AK7: variants seen among roughly 807,000 people sequenced by gnomAD.
AK7 encodes the protein ATP-AMP transphosphorylase 7.
A neutral mutation model predicts 96.6 loss-of-function variants in AK7; 78 were observed. That is an observed-to-expected ratio of 0.81 (90% CI 0.67 to 0.97). The LOEUF is 0.97. Ranked by LOEUF, AK7 falls within the 50% of genes least tolerant of loss-of-function variation. The pLI, the probability that AK7 is intolerant of heterozygous loss-of-function variation, is 0.00. For synonymous variants in AK7, 302 were observed against 317.2 expected (o/e 0.95, Z 0.51); for missense variants, 855 against 887.9 (o/e 0.96, Z 0.47).
intron 1 of AK7, among the ~76,000 whole-genome samples, chr14:96,395,773 C>T (rs1890039381): frequency 7.4e-6 from 1 of 135,876 alleles, no homozygotes; most frequent in Admixed American, 7.4e-5. Flanking sequence ...TATCTCCTTC[C>T]TTAAATTAAT....
intron 7 of AK7, among the ~76,000 whole-genome samples, chr14:96,443,658 G>A (rs1194058425): frequency 6.6e-6 from 1 of 151,902 alleles, no homozygotes; most frequent in Admixed American, 6.6e-5. Context: ...TATGAGTCAG[G>A]GATATCCAAT....
Position 96,456,611 on chromosome 14 carries a change from T to C in AK7, c.1227+136T>C, listed in dbSNP as rs12323934. 0.019 allele frequency: 18,642 copies of C among 999,446 alleles called. 2,352 individuals are homozygous for C. The African/African-American group carries it at 0.27, about 14-fold the overall frequency. The allele number at this position is 999,446 out of a possible 1,614,324, so 61.9% of individuals were successfully genotyped here. ...CCAATTTTGTTGGCAACATCCAAGG[T>C]GTCCTAATCAGTAGCCAGGGGAACA... On this transcript the variant is annotated intron_variant, in intron 11 of 17. Transcript: ENST00000267584.
chr14:96,414,348 A>G (rs1891203886), intron 4 of AK7, among the ~76,000 whole-genome samples: 1 of 152,242 alleles, frequency 6.6e-6, no homozygotes, highest in Non-Finnish European at 1.5e-5. Context: ...AACTCAGCCC[A>G]TAGCTGAGGA....
At chr14:96,396,897 G>C (rs1024912973) in intron 1 of AK7, among the ~76,000 whole-genome samples, 3 of 152,122 alleles carry the variant, frequency 2.0e-5, no homozygotes, top group Admixed American at 6.6e-5. Context: ...ACCAGCCTGG[G>C]CAACAACAGC....
intron 2 of AK7, among the ~76,000 whole-genome samples, chr14:96,400,464 A>C (rs528102216): frequency 2.0e-5 from 3 of 152,338 alleles, no homozygotes; most frequent in African/African-American, 7.2e-5. Flanking sequence ...TGGCTTAATA[A>C]ATAAGGAAAT....
At chr14:96,472,926 A>C (rs980943961) in intron 14 of AK7, among the ~76,000 whole-genome samples, 171 bp downstream of exon 14, 1 of 152,048 alleles carries the variant, frequency 6.6e-6, no homozygotes, top group Non-Finnish European at 1.5e-5. Flanking sequence ...TACTAGAAAT[A>C]CAAAAATTAG....
chr14:96,463,812 T>C (rs1595447603), intron 12 of AK7, among the ~76,000 whole-genome samples: 4 of 150,554 alleles, frequency 2.7e-5, no homozygotes, highest in Admixed American at 2.7e-4. Context: ...AACACAATGA[T>C]AACCAAGAGA....
intron 5 of AK7, among the ~76,000 whole-genome samples, chr14:96,431,855 G>A (rs1293425764): frequency 1.3e-5 from 2 of 152,068 alleles, no homozygotes; most frequent in East Asian, 1.9e-4. Flanking sequence ...ATTGACAGTG[G>A]GGTGTTAAAG....
At chr14:96,464,066 T>C (rs764717787) in intron 12 of AK7, among the ~76,000 whole-genome samples, 3 of 151,606 alleles carry the variant, frequency 2.0e-5, no homozygotes, top group Middle Eastern at 6.8e-3. Context: ...AGCCACAGAG[T>C]ATAGTGAAGT....
intron 7 of AK7, 130 bp downstream of exon 7, chr14:96,442,948 A>C: frequency 1.3e-6 from 1 of 794,992 alleles, no homozygotes; most frequent in South Asian, 1.6e-5. Context: ...CTTCGTAACA[A>C]CCCTATGCAG....
intron 5 of AK7, among the ~76,000 whole-genome samples, chr14:96,435,358 T>C (rs1892578836): frequency 6.6e-6 from 1 of 151,626 alleles, no homozygotes; most frequent in Non-Finnish European, 1.5e-5. Flanking sequence ...AGCAGGTTCC[T>C]TTTCTGGCCC....
intron 14 of AK7, among the ~76,000 whole-genome samples, chr14:96,474,446 TAAA>T (rs1170896129): frequency 9.9e-6 from 1 of 101,458 alleles, no homozygotes. Context: ...TCATATCTAC[TAAA>T]AAAAAAAAAA....
At chr14:96,453,310 T>C (rs1476202398) in intron 10 of AK7, among the ~76,000 whole-genome samples, 1 of 152,140 alleles carries the variant, frequency 6.6e-6, no homozygotes, top group Non-Finnish European at 1.5e-5. Flanking sequence ...AGTAGAAATA[T>C]GACAAGACAC....
At chr14:96,476,505 C>CAA (rs34683106) in intron 14 of AK7, among the ~76,000 whole-genome samples, 21 of 87,282 alleles carry the variant, frequency 2.4e-4, no homozygotes, top group Admixed American at 3.9e-4. Context: ...GACTTTGTCT[C>CAA]AAAAAAAAAA....
rs748517416 is a variant in AK7 at position 96,478,655 on chromosome 14, A to G, written c.1746A>G (p.Ile582Met). The G allele has an allele frequency of 1.2e-6, 2 of 1,613,732 alleles. No individual in the cohort carries two copies. Among genetic ancestry groups the G allele is most frequent in the Non-Finnish European group, 1.7e-6 (2 of 1,179,748 alleles). ...NYFDELEIHPIHIDVGKLEDA... is the reference protein window; with the variant it reads ...NYFDELEIHPMHIDVGKLEDA... ...TTGATGAACTTGAAATTCACCCGAT[A>G]CATATTGGTATGAAATGAATTCAAG... Residue 582 changes from isoleucine to methionine, a missense_variant, in exon 15 of 18, where the codon ATA (isoleucine) becomes ATG (methionine). Coordinates refer to ENST00000267584, the MANE Select transcript of AK7 (RefSeq NM_152327.5).
chr14:96,398,261 T>C lies in AK7; in HGVS notation c.292T>C (p.Ser98Pro), dbSNP rs1303043735. 1 of 1,612,576 alleles carries C rather than the reference T, an allele frequency of 6.2e-7. No homozygotes were observed. The highest frequency in any genetic ancestry group is 8.5e-7 in the Non-Finnish European group (1 of 1,179,892). ...GCCTGACTTTGCGGTGGAGACGTAC[T>C]CTGTAAGTCCCGGAGGCTCTGGCCA... ...PRPDFAVETY[S>P]AISREDLLMR... Residue 98 changes from serine (S) to proline (P), a missense_variant and splice_region_variant, in exon 2 of 18, where the codon TCT becomes CCT. By Grantham distance (74) the Ser-to-Pro change is moderately conservative. Coordinates refer to ENST00000267584, the MANE Select transcript of AK7 (RefSeq NM_152327.5).
intron 5 of AK7, among the ~76,000 whole-genome samples, chr14:96,434,800 A>C (rs1726053451): frequency 1.3e-5 from 2 of 152,100 alleles, no homozygotes; most frequent in African/African-American, 2.4e-5. Context: ...TAGCACTCAC[A>C]CCACAAGACG....
intron 5 of AK7, among the ~76,000 whole-genome samples, chr14:96,426,619 T>A (rs918185095): frequency 6.6e-6 from 1 of 152,212 alleles, no homozygotes. Flanking sequence ...ATCCTTCAGC[T>A]TTTGTTTGTC....
Position 96,463,282 on chromosome 14 carries a change from C to T in AK7, c.1357+5070C>T, listed in dbSNP as rs148599118. ...ACTCGCTGTTTCACATACCATCTTC[C>T]ACAAGACTTTATTAAACAAGAAGAT... is the stretch of plus-strand genomic sequence containing the variant. On this transcript the variant is annotated intron_variant, in intron 12 of 17. Transcript: ENST00000267584. 3.4e-3 allele frequency among the ~76,000 whole-genome samples: 513 copies of T among 152,238 alleles called. 4 individuals carry two copies. Among genetic ancestry groups the T allele is most frequent in the African/African-American group, 0.012 (493 of 41,530 alleles).
Sources: gnomAD v4.1 joint callset for allele counts (sites outside exome capture counted in the v4.1 genomes callset) on GRCh38, gnomAD v4.1.1 for gene constraint, MANE v1.5 for transcripts, NCBI Gene and HGNC (gene_info 2026-07-23, HGNC 2026-07-21) for gene names.